Variants in ZNF730 observed in about 807,000 individuals in gnomAD.
ZNF730 encodes the protein putative zinc finger protein 730.
A neutral mutation model predicts 12.6 loss-of-function variants in ZNF730; 12 were observed. That is an observed-to-expected ratio of 0.95 (90% CI 0.61 to 1.54). The LOEUF is 1.54. Ranked by LOEUF, ZNF730 falls within the 40% of genes most tolerant of loss-of-function variation. ZNF730 has a pLI of 0.00. For synonymous variants in ZNF730, 194 were observed against 195.8 expected (o/e 0.99, Z 0.08); for missense variants, 643 against 583.5 (o/e 1.10, Z -1.05).
chr19:23,130,179 TTA>T (rs1199776896), intron 1 of ZNF730, among the ~76,000 whole-genome samples: 2 of 152,072 alleles, frequency 1.3e-5, no homozygotes, highest in African/African-American at 2.4e-5. Flanking sequence ...GATGATTCAG[TTA>T]TGGGAGTGGG....
chr19:23,088,451 T>TTTTG (rs548445425), intron 1 of ZNF730, among the ~76,000 whole-genome samples: 377 of 152,162 alleles, frequency 2.5e-3, no homozygotes, highest in South Asian at 0.018. Flanking sequence ...AGAGGGGTTT[T>TTTTG]TTTGTTTGTT....
At chr19:23,123,130 A>G (rs1001405341) in intron 1 of ZNF730, 1 of 152,240 alleles carries the variant, frequency 6.6e-6, no homozygotes, top group South Asian at 2.1e-4. Flanking sequence ...TCAGTTAGCT[A>G]TGTTGCAAGC....
At chr19:23,102,193 C>G (rs990641204) in intron 1 of ZNF730, among the ~76,000 whole-genome samples, 1 of 152,188 alleles carries the variant, frequency 6.6e-6, no homozygotes, top group African/African-American at 2.4e-5. Flanking sequence ...TGATGTGTCT[C>G]TGGTAACTGG....
Position 23,127,641 on chromosome 19 carries a change from T to C in ZNF730, c.4-6439T>C, listed in dbSNP as rs1166218060. On this transcript the variant is annotated intron_variant, in intron 1 of 3. Coordinates refer to ENST00000597761, the MANE Select transcript of ZNF730 (RefSeq NM_001277403.2). ...TTAAAATTTGGCAATAAACTCTTTG[T>C]GTGAATGGTGAATTTTACTTTATTC... 5 of 1,110,394 alleles carry C rather than the reference T, an allele frequency of 4.5e-6. No individual in the cohort carries two copies. The Admixed American group carries it at 8.5e-5, about 19-fold the overall frequency. The allele number at this position is 1,110,394 out of a possible 1,614,324, so 68.8% of individuals were successfully genotyped here.
chr19:23,135,295 A>G (rs1970813212), intron 2 of ZNF730, among the ~76,000 whole-genome samples: 2 of 139,348 alleles, frequency 1.4e-5, no homozygotes, highest in African/African-American at 2.6e-5. Context: ...AAGAATTTCA[A>G]GATGTTTTAT....
intron 1 of ZNF730, among the ~76,000 whole-genome samples, chr19:23,094,496 T>C (rs529278873): frequency 6.6e-6 from 1 of 152,166 alleles, no homozygotes; most frequent in East Asian, 1.9e-4. Flanking sequence ...TATTTATTTA[T>C]TTTGAGATGG....
chr19:23,093,180 T>C (rs932559742), intron 1 of ZNF730, among the ~76,000 whole-genome samples: 12 of 152,172 alleles, frequency 7.9e-5, no homozygotes, highest in Non-Finnish European at 1.6e-4. Flanking sequence ...TTCGCCCTGT[T>C]AGCCAGGCTG....
At chr19:23,096,919 T>C (rs1437964935) in intron 1 of ZNF730, among the ~76,000 whole-genome samples, 1 of 152,334 alleles carries the variant, frequency 6.6e-6, no homozygotes, top group African/African-American at 2.4e-5. Context: ...ATGGGAACTG[T>C]CCACAAAAGT....
intron 1 of ZNF730, among the ~76,000 whole-genome samples, chr19:23,110,148 G>T (rs1173171397): frequency 1.6e-5 from 2 of 126,702 alleles, no homozygotes; most frequent in Non-Finnish European, 3.4e-5. Flanking sequence ...TGTATTTTTA[G>T]TAGAGAAGGG....
rs561759065 is a variant in ZNF730, at chr19:23,126,456, T to C, written c.4-7624T>C. The stretch of plus-strand genomic sequence containing the variant: ...TCTCAGAAAAAGAGTAGATCCATTT[T>C]GTCAGCTGTTTTTTATTTGTTTCCA... On this transcript the variant is annotated intron_variant, in intron 1 of 3. Transcript: ENST00000597761. 61 of 320,010 alleles carry C rather than the reference T, an allele frequency of 1.9e-4. No individual in the cohort carries two copies. The East Asian group carries it at 3.4e-3, about 18-fold the overall frequency. The allele number at this position is 320,010 out of a possible 1,614,324, so 19.8% of individuals were successfully genotyped here. A position where few individuals can be genotyped will look rare whatever the true frequency, so the allele number is the denominator to read the frequency against.
intron 1 of ZNF730, among the ~76,000 whole-genome samples, chr19:23,089,993 A>G (rs1568302046): frequency 6.6e-6 from 1 of 152,162 alleles, no homozygotes; most frequent in African/African-American, 2.4e-5. Flanking sequence ...CATGCCTGTA[A>G]TCCCAGCACT....
intron 1 of ZNF730, among the ~76,000 whole-genome samples, chr19:23,108,337 C>G (rs1970419013): frequency 6.6e-6 from 1 of 151,954 alleles, no homozygotes; most frequent in Non-Finnish European, 1.5e-5. Flanking sequence ...CCCCTCCCAC[C>G]CCCACGCTGC....
In ZNF730 at chr19:23,141,989, C is replaced by T. The variant is rs112980549; in HGVS notation, c.227-3282C>T. Reference sequence around the variant, plus strand: ...TCTCTATGTGTTTCTTTTATTCTGTCGATATTTGCTTTATATGTTTAGAGC... The same window carrying T: ...TCTCTATGTGTTTCTTTTATTCTGTTGATATTTGCTTTATATGTTTAGAGC... On this transcript the variant is annotated intron_variant, in intron 3 of 3. Transcript: ENST00000597761. Among the ~76,000 whole-genome samples, 1,132 of 151,826 alleles carry T rather than the reference C, an allele frequency of 7.5e-3. 10 individuals are homozygous for T. The highest frequency in any genetic ancestry group is 0.026 in the African/African-American group (1,073 of 41,396).
chr19:23,117,877 A>C (rs1482741699), intron 1 of ZNF730, among the ~76,000 whole-genome samples: 1 of 152,024 alleles, frequency 6.6e-6, no homozygotes, highest in Non-Finnish European at 1.5e-5. Flanking sequence ...AATACATTTG[A>C]GTTACATTTT....
chr19:23,138,049 C>T (rs1395693931), intron 3 of ZNF730, among the ~76,000 whole-genome samples: 1 of 15,470 alleles, frequency 6.5e-5, no homozygotes, highest in Non-Finnish European at 2.2e-4. Flanking sequence ...TTTGGGAGGC[C>T]GAGGCGGGCG....
At chr19:23,088,007 T>C (rs1011009769) in intron 1 of ZNF730, among the ~76,000 whole-genome samples, 1 of 151,920 alleles carries the variant, frequency 6.6e-6, no homozygotes, top group African/African-American at 2.4e-5. Flanking sequence ...CATCCTTGTC[T>C]AGTTTTAGTT....
In ZNF730 at chr19:23,145,316, T is replaced by C. The variant is rs769795299; in HGVS notation, c.272T>C (p.Ile91Thr). 2 of 1,586,644 alleles carry C rather than the reference T, an allele frequency of 1.3e-6. No homozygotes were observed. Among genetic ancestry groups the C allele is most frequent in the East Asian group, 2.2e-5 (1 of 44,494 alleles). The change falls in exon 4 of 4, where the codon ATA becomes ACA. Residue 91 changes from isoleucine (I) to threonine (T), a missense_variant. Coordinates refer to ENST00000597761, the MANE Select transcript of ZNF730 (RefSeq NM_001277403.2). ...IAQDLWPEQG[I>T]KDYFQEVILR... is the part of the protein sequence containing the mutation. ...CAAGACCTTTGGCCAGAGCAAGGCATAAAAGATTATTTCCAAGAAGTCATA... is the reference window on the plus strand; with the variant it reads ...CAAGACCTTTGGCCAGAGCAAGGCACAAAAGATTATTTCCAAGAAGTCATA...
chr19:23,104,356 A>G (rs911895317), intron 1 of ZNF730, among the ~76,000 whole-genome samples: 6 of 152,112 alleles, frequency 3.9e-5, no homozygotes, highest in African/African-American at 1.4e-4. Flanking sequence ...AATGTTCACA[A>G]ATATCAAGCA....
At chr19:23,101,597 T>A (rs1371712182) in intron 1 of ZNF730, among the ~76,000 whole-genome samples, 1 of 152,206 alleles carries the variant, frequency 6.6e-6, no homozygotes, top group African/African-American at 2.4e-5. Flanking sequence ...CAGATGAGAT[T>A]GTGACATATC....
Sources: gnomAD v4.1 joint callset for allele counts (sites outside exome capture counted in the v4.1 genomes callset) on GRCh38, gnomAD v4.1.1 for gene constraint, MANE v1.5 for transcripts, NCBI Gene and HGNC (gene_info 2026-07-23, HGNC 2026-07-21) for gene names.